The following PCCA variants were observed in gnomAD, a reference collection of about 807,000 sequenced individuals.
PCCA encodes the protein propionyl-CoA carboxylase subunit alpha.
A neutral mutation model predicts 101.3 loss-of-function variants in PCCA; 74 were observed. The observed-to-expected ratio is 0.73, with a 90% confidence interval of 0.61 to 0.89. PCCA has a LOEUF of 0.89. PCCA is among the 40% of genes least tolerant of loss of function. The pLI, the probability that PCCA is intolerant of heterozygous loss-of-function variation, is 0.00. For synonymous variants in PCCA, 294 were observed against 313.6 expected, an observed-to-expected ratio of 0.94 and a Z score of 0.66; for missense variants, 891 against 907.0, an observed-to-expected ratio of 0.98 and a Z score of 0.23.
intron 9 of PCCA, among the ~76,000 whole-genome samples, chr13:100,262,434 G>A (rs147574838): frequency 9.9e-5 from 15 of 151,834 alleles, no homozygotes; most frequent in Admixed American, 1.3e-4. Context: ...GTAAAGTATC[G>A]GCATTCCTGT....
intron 22 of PCCA, among the ~76,000 whole-genome samples, chr13:100,518,657 A>G (rs140305728): frequency 1.3e-5 from 2 of 152,342 alleles, no homozygotes; most frequent in East Asian, 3.9e-4. Flanking sequence ...AAACAAATCA[A>G]TAAGAAAGTA....
intron 4 of PCCA, chr13:100,154,772 G>C (rs1594411991): frequency 1.8e-6 from 1 of 559,058 alleles, no homozygotes; most frequent in Non-Finnish European, 3.2e-6. Flanking sequence ...GTTAGACAAT[G>C]AATTAGGCTG....
chr13:100,279,774 C>T (rs2063939973), intron 12 of PCCA, among the ~76,000 whole-genome samples: 1 of 152,054 alleles, frequency 6.6e-6, no homozygotes, highest in Non-Finnish European at 1.5e-5. Context: ...GCGCCTGGCC[C>T]AAGTGTTCTT....
chr13:100,166,293 G>A (rs1475246577), intron 6 of PCCA, among the ~76,000 whole-genome samples: 2 of 151,922 alleles, frequency 1.3e-5, no homozygotes, highest in Non-Finnish European at 2.9e-5. Flanking sequence ...ATGTAATTGT[G>A]TCAGTACTTC....
At position 100,383,261 on chromosome 13, in the gene PCCA, G is replaced by A. The variant is rs374186616; in HGVS notation, c.1746+14687G>A. On this transcript the variant is annotated intron_variant, in intron 19 of 23. Coordinates refer to ENST00000376285, the MANE Select transcript of PCCA (RefSeq NM_000282.4). Reference sequence around the variant, plus strand: ...CCCACCTTGGCCTCTCAAAGTGCTGGGATTACAGGCATGAGCCACCGTGCC... The same window carrying A: ...CCCACCTTGGCCTCTCAAAGTGCTGAGATTACAGGCATGAGCCACCGTGCC... Among the ~76,000 whole-genome samples the A allele has an allele frequency of 1.1e-3, 164 of 151,830 alleles. 6 individuals are homozygous for A. In the South Asian group the frequency reaches 0.031, roughly 29 times the overall value.
intron 21 of PCCA, among the ~76,000 whole-genome samples, chr13:100,453,941 G>A (rs935744061): frequency 3.3e-5 from 5 of 152,062 alleles, no homozygotes; most frequent in Non-Finnish European, 7.4e-5. Flanking sequence ...CTCGATATCC[G>A]CTCACTGCAA....
chr13:100,516,545 C>T (rs1373330561), intron 22 of PCCA, among the ~76,000 whole-genome samples: 1 of 152,090 alleles, frequency 6.6e-6, no homozygotes, highest in African/African-American at 2.4e-5. Context: ...GTTAGAAAAC[C>T]GACTTAACAG....
At chr13:100,122,952 T>C (rs1266119954) in intron 4 of PCCA, among the ~76,000 whole-genome samples, 6 of 152,234 alleles carry the variant, frequency 3.9e-5, no homozygotes. Context: ...TGAAATAGCA[T>C]TCCAGAAGTA....
chr13:100,142,813 C>G lies in PCCA; in HGVS notation c.301-12166C>G, dbSNP rs918134799. ...TACAGACTAGATTCTATGTGGTTGTCCTAGTATGAGGCTGGTAAGCTTGCT... is the reference window on the plus strand; with the variant it reads ...TACAGACTAGATTCTATGTGGTTGTGCTAGTATGAGGCTGGTAAGCTTGCT... On this transcript the variant is annotated intron_variant, in intron 4 of 23. Transcript: ENST00000376285. 2.0e-5 allele frequency among the ~76,000 whole-genome samples: 3 copies of G among 152,088 alleles called. No individual in the cohort carries two copies. The South Asian group carries it at 6.2e-4, about 32-fold the overall frequency.
At chr13:100,370,991 T>A (rs2075541083) in intron 19 of PCCA, among the ~76,000 whole-genome samples, 1 of 152,132 alleles carries the variant, frequency 6.6e-6, no homozygotes, top group Admixed American at 6.5e-5. Context: ...AGTTCTTCTG[T>A]TTAATTTTTA....
chr13:100,283,759 G>A (rs540873843), intron 12 of PCCA, among the ~76,000 whole-genome samples: 107 of 152,330 alleles, frequency 7.0e-4, no homozygotes, highest in African/African-American at 2.5e-3. Context: ...AAACCTTGGT[G>A]GTTCAGAGAG....
intron 22 of PCCA, among the ~76,000 whole-genome samples, chr13:100,524,071 A>C (rs548525637): frequency 2.0e-5 from 3 of 152,260 alleles, no homozygotes; most frequent in African/African-American, 7.2e-5. Flanking sequence ...TGTACCCTAC[A>C]TGTACTCTAC....
At position 100,424,055 on chromosome 13, in the gene PCCA, G is replaced by A. The variant is rs114255446; in HGVS notation, c.1747-1578G>A. ...ACCAACTGCAGATATTTGGGGGAGC[G>A]GGGAGGAAAAGATTTGGATCTGTAC... On this transcript the variant is annotated intron_variant, in intron 19 of 23. Transcript: ENST00000376285. Among the ~76,000 whole-genome samples, 372 of 152,208 alleles carry A rather than the reference G, an allele frequency of 2.4e-3. 1 individual carries two copies. Among genetic ancestry groups the A allele is most frequent in the African/African-American group, 8.5e-3 (354 of 41,522 alleles).
rs769819121 is a variant in PCCA, at chr13:100,102,882, G to T, written c.106-1G>T. ...TTTATTTTGCTTTCCTTTTTTTGTA[G>T]CATGTTCTGTACTATTCAAGACAGT... On this transcript the variant is annotated splice_acceptor_variant, in intron 1 of 23. Transcript: ENST00000376285. LOFTEE classifies it high-confidence loss of function. The T allele has an allele frequency of 6.2e-7, 1 of 1,607,356 alleles. No homozygotes were observed. The highest frequency in any genetic ancestry group is 1.3e-5 in the African/African-American group (1 of 74,754).
chr13:100,355,181 A>G (rs569719551), intron 18 of PCCA, among the ~76,000 whole-genome samples: 18 of 152,302 alleles, frequency 1.2e-4, no homozygotes, highest in African/African-American at 3.8e-4. Context: ...GTGATACATC[A>G]TATTAATAGA....
At chr13:100,378,829 A>G (rs1028458991) in intron 19 of PCCA, among the ~76,000 whole-genome samples, 1 of 151,534 alleles carries the variant, frequency 6.6e-6, no homozygotes, top group Non-Finnish European at 1.5e-5. Flanking sequence ...TATATCCTTA[A>G]TTGTCTTTCT....
chr13:100,414,137 A>C (rs1474465693), intron 19 of PCCA, among the ~76,000 whole-genome samples: 1 of 152,232 alleles, frequency 6.6e-6, no homozygotes, highest in East Asian at 1.9e-4. Flanking sequence ...TTTATAACAC[A>C]TGGATATTTA....
chr13:100,152,739 C>A lies in PCCA; in HGVS notation c.301-2240C>A, dbSNP rs992924468. Among the ~76,000 whole-genome samples the A allele has an allele frequency of 3.9e-4, 60 of 152,170 alleles. 3 individuals carry two copies. On this transcript the variant is annotated intron_variant, in intron 4 of 23. Transcript: ENST00000376285. ...GGGATTACAGGCATGAGCCACCGCGCCCGGCCTAGTTCTTGGTATGTTTAT... is the reference window on the plus strand; with the variant it reads ...GGGATTACAGGCATGAGCCACCGCGACCGGCCTAGTTCTTGGTATGTTTAT...
rs2152697468 is a variant in PCCA, at chr13:100,309,886, A to T, written c.1407A>T (p.Ala469=). ...RTEALKRMAD[A]LDNYVIRGVT... is the part of the protein sequence containing the mutation. The stretch of plus-strand genomic sequence containing the variant: ...AGGCACTGAAGAGAATGGCAGATGC[A>T]CTGGATAACTATGTTATTCGAGGTA... The change falls in exon 16 of 24, where the codon GCA becomes GCT. Residue 469 remains alanine, a synonymous_variant. Transcript: ENST00000376285. 6.2e-7 allele frequency: 1 copy of T among 1,612,580 alleles called. No individual in the cohort carries two copies. The highest frequency in any genetic ancestry group is 1.1e-5 in the South Asian group (1 of 91,050).
Sources: allele counts gnomAD v4.1 joint callset (sites outside exome capture counted in the v4.1 genomes callset), GRCh38; gene constraint gnomAD v4.1.1; transcripts MANE v1.5; gene names NCBI Gene and HGNC (gene_info 2026-07-23, HGNC 2026-07-21).